APOA4: variants seen among roughly 807,000 people sequenced by gnomAD.
The protein encoded by APOA4 is apolipoprotein A4.
Under a neutral mutation model 33.6 loss-of-function variants are expected in APOA4, and 25 were observed. The ratio of observed to expected loss-of-function variants is 0.74; its 90% confidence interval spans 0.54 to 1.04. The LOEUF (loss-of-function observed/expected upper bound fraction) is 1.04. APOA4 is among the 50% of genes least tolerant of loss of function. APOA4 has a pLI of 0.00. For synonymous variants in APOA4, 228 were observed against 224.0 expected (o/e 1.02, Z -0.16); for missense variants, 549 against 510.4 (o/e 1.08, Z -0.73).
Position 116,820,862 on chromosome 11 carries a change from G to A in APOA4, c.*5C>T, listed in dbSNP as rs777358431. On this transcript the variant is annotated 3_prime_UTR_variant, in exon 3 of 3. Coordinates refer to ENST00000357780, the MANE Select transcript of APOA4 (RefSeq NM_000482.4). ...CGAGGGTGGGGCCAGTGCACCAGGG[G>A]CAGCTCAGCTCTCCAAAGGGGCCAG... 7 of 1,613,426 alleles carry A rather than the reference G, an allele frequency of 4.3e-6. No homozygotes were observed. The highest frequency in any genetic ancestry group is 3.3e-5 in the Admixed American group (2 of 60,002).
intron 2 of APOA4, 123 bp downstream of exon 2, chr11:116,822,536 G>T: frequency 1.4e-6 from 2 of 1,439,616 alleles, no homozygotes; most frequent in South Asian, 1.2e-5. Context: ...GGCCCGGCCA[G>T]TTAGTGGCAG....
At position 116,822,642 on chromosome 11, in the gene APOA4, A is replaced by C. The variant is rs761160544; in HGVS notation, c.176+17T>G. 65 of 1,614,006 alleles carry C rather than the reference A, an allele frequency of 4.0e-5. No homozygotes were observed. The East Asian group carries it at 5.3e-4, about 13-fold the overall frequency. The stretch of plus-strand genomic sequence containing the variant: ...TAAGAATTCCCCGTCACCACCGCAC[A>C]CTGTAGTCCCTCTTACTTGAGTTGC... On this transcript the variant is annotated intron_variant, in intron 2 of 2. Coordinates refer to ENST00000357780, the MANE Select transcript of APOA4 (RefSeq NM_000482.4).
chr11:116,823,054 G>C, intron 1 of APOA4, 89 bp downstream of exon 1: 1 of 1,536,406 alleles, frequency 6.5e-7, no homozygotes, highest in Non-Finnish European at 9.0e-7. Context: ...TGGGCACTCA[G>C]AAGTGTCCTT....
At position 116,821,313 on chromosome 11, in the gene APOA4, C is replaced by T. The variant is rs758492950; in HGVS notation, c.745G>A (p.Ala249Thr). 9.9e-6 allele frequency: 16 copies of T among 1,613,898 alleles called. No homozygotes were observed. Among genetic ancestry groups the T allele is most frequent in the Admixed American group, 3.3e-5 (2 of 60,014 alleles). ...GAGATCCTGGCCTTGAGCTCCTCGGCGTTCTTCTTCATCTGGAAGGTCAGG... is the reference window on the plus strand; with the variant it reads ...GAGATCCTGGCCTTGAGCTCCTCGGTGTTCTTCTTCATCTGGAAGGTCAGG... ...EGLTFQMKKN[A>T]EELKARISAS... The change falls in exon 3 of 3, where the codon GCC becomes ACC. Residue 249 changes from alanine to threonine, a missense_variant. Coordinates refer to ENST00000357780, the MANE Select transcript of APOA4 (RefSeq NM_000482.4).
In APOA4 at chr11:116,821,070, C is replaced by A. The variant is rs1276295892; in HGVS notation, c.988G>T (p.Gly330Cys). 3 of 1,614,170 alleles carry A rather than the reference C, an allele frequency of 1.9e-6. No individual in the cohort carries two copies. The East Asian group carries it at 6.7e-5, about 36-fold the overall frequency. ...QQMEQLRQKL[G>C]PHAGDVEGHL... is the part of the protein sequence containing the mutation. The stretch of plus-strand genomic sequence containing the variant: ...CCTTCCACGTCCCCCGCATGGGGGC[C>A]CAGTTTCTGCCTGAGCTGTTCCATC... The change falls in exon 3 of 3, where the codon GGC becomes TGC. Residue 330 changes from glycine (G) to cysteine (C), a missense_variant. Transcript: ENST00000357780.
intron 1 of APOA4, 127 bp from the exon 2 acceptor site, chr11:116,822,912 G>C (rs1941342706): frequency 6.6e-7 from 1 of 1,522,850 alleles, no homozygotes; most frequent in Non-Finnish European, 8.9e-7. Context: ...TCTGAGCTTA[G>C]CTTTTTGGAA....
In APOA4 at chr11:116,820,958, G is replaced by T. The variant is rs2134217515; in HGVS notation, c.1100C>A (p.Thr367Asn). Residue 367 changes from threonine (T) to asparagine (N), a missense_variant, in exon 3 of 3, where the codon ACT becomes AAT. Thr to Asn is a moderately conservative substitution (Grantham distance 65). Coordinates refer to ENST00000357780, the MANE Select transcript of APOA4 (RefSeq NM_000482.4). ...TFKEKESQDK[T>N]LSLPELEQQQ... ...TTGCTCCAGCTCAGGGAGGGAGAGAGTCTTGTCCTGGCTCTCTTTCTCCTT... is the reference window on the plus strand; with the variant it reads ...TTGCTCCAGCTCAGGGAGGGAGAGATTCTTGTCCTGGCTCTCTTTCTCCTT... 6.2e-7 allele frequency: 1 copy of T among 1,614,192 alleles called. No homozygotes were observed. Among genetic ancestry groups the T allele is most frequent in the Non-Finnish European group, 8.5e-7 (1 of 1,180,014 alleles).
At chr11:116,822,094 A>G (rs1187920564) in intron 2 of APOA4, among the ~76,000 whole-genome samples, 2 of 152,108 alleles carry the variant, frequency 1.3e-5, no homozygotes, top group African/African-American at 2.4e-5. Flanking sequence ...GATCTCCCAC[A>G]TAGTTTGTCT....
chr11:116,821,998 G>C lies in APOA4; in HGVS notation c.177-117C>G, dbSNP rs1314879279. On this transcript the variant is annotated intron_variant, in intron 2 of 2. Coordinates refer to ENST00000357780, the MANE Select transcript of APOA4 (RefSeq NM_000482.4). ...TGCTAGGACAGGTGAGTGCTCAGAGGTACCGAGTTCACCCTCCCTATGGTG... is the reference window on the plus strand; with the variant it reads ...TGCTAGGACAGGTGAGTGCTCAGAGCTACCGAGTTCACCCTCCCTATGGTG... 2.9e-6 allele frequency: 4 copies of C among 1,362,794 alleles called. No homozygotes were observed. The Admixed American group carries it at 6.7e-5, about 23-fold the overall frequency. 84.4% of individuals were successfully genotyped at this position (1,362,794 alleles called of 1,614,324 possible).
chr11:116,820,936 C>A lies in APOA4; in HGVS notation c.1122G>T (p.Glu374Asp), dbSNP rs1941311983. The change falls in exon 3 of 3, where the codon GAG becomes GAT. Residue 374 changes from glutamate (E) to aspartate (D), a missense_variant. Glu to Asp is a conservative substitution (Grantham distance 45, BLOSUM62 2). Transcript: ENST00000357780. ...QDKTLSLPEL[E>D]QQQEQQQEQQ... ...GCTCCTGCTGCTGTTCCTGCTGTTG[C>A]TCCAGCTCAGGGAGGGAGAGAGTCT... 6.2e-7 allele frequency: 1 copy of A among 1,613,088 alleles called. No individual in the cohort carries two copies. The highest frequency in any genetic ancestry group is 8.5e-7 in the Non-Finnish European group (1 of 1,180,026).
In APOA4 at chr11:116,822,655, T is replaced by A. The variant is rs1565333244; in HGVS notation, c.176+4A>T. 6.2e-7 allele frequency: 1 copy of A among 1,614,118 alleles called. No homozygotes were observed. On this transcript the variant is annotated splice_donor_region_variant and intron_variant, in intron 2 of 2. Coordinates refer to ENST00000357780, the MANE Select transcript of APOA4 (RefSeq NM_000482.4). The stretch of plus-strand genomic sequence containing the variant: ...TCACCACCGCACACTGTAGTCCCTC[T>A]TACTTGAGTTGCTGGGTGAGTTCAG...
rs1467332083 is a variant in APOA4 at position 116,823,174 on chromosome 11, C to G, written c.18G>C (p.Val6=). Residue 6 remains valine, a synonymous_variant, in exon 1 of 3, where the codon GTG becomes GTC. Coordinates refer to ENST00000357780, the MANE Select transcript of APOA4 (RefSeq NM_000482.4). ...CAGCCACCAGGGCCAGGGTCAGGAC[C>G]ACGGCCTTCAGGAACATCCTGAGCT... MFLKA[V]VLTLALVAVA... is the part of the protein sequence containing the mutation. 6.2e-7 allele frequency: 1 copy of G among 1,614,094 alleles called. No homozygotes were observed. The highest frequency in any genetic ancestry group is 1.7e-5 in the Admixed American group (1 of 60,020).
chr11:116,822,863 G>A (rs976063832), intron 1 of APOA4, 78 bp from the exon 2 acceptor site: 1 of 1,602,970 alleles, frequency 6.2e-7, no homozygotes, highest in African/African-American at 1.3e-5. Context: ...GCTGCAGACT[G>A]GATGATGGTG....
At position 116,821,451 on chromosome 11, in the gene APOA4, G is replaced by A; in HGVS notation, c.607C>T (p.Pro203Ser). 1.2e-6 allele frequency: 2 copies of A among 1,614,202 alleles called. No homozygotes were observed. Among genetic ancestry groups the A allele is most frequent in the Non-Finnish European group, 1.7e-6 (2 of 1,180,032 alleles). ...TTGACTTTGAATTCGTCAGCGTAGG[G>A]CGTAAGGCGTCCCTTGAGCTCCTCC... The part of the protein sequence containing the change: ...NVEELKGRLT[P>S]YADEFKVKID... The change falls in exon 3 of 3, where the codon CCC (proline) becomes TCC (serine). Residue 203 changes from proline to serine, a missense_variant. Physicochemically the swap from Pro to Ser is moderately conservative, Grantham distance 74. Transcript: ENST00000357780.
intron 1 of APOA4, 95 bp downstream of exon 1, chr11:116,823,048 C>A (rs1046647046): frequency 2.0e-6 from 3 of 1,505,180 alleles, no homozygotes; most frequent in South Asian, 1.1e-5. Context: ...GGCTGATGGG[C>A]ACTCAGAAGT....
chr11:116,822,809 C>A, intron 1 of APOA4, 24 bp from the exon 2 acceptor site: 1 of 1,613,780 alleles, frequency 6.2e-7, no homozygotes. Context: ...GAGAGCAATT[C>A]ATGAGGCCCC....
In APOA4 at chr11:116,822,691, A is replaced by T; in HGVS notation, c.144T>A (p.His48Gln). 2 of 1,614,142 alleles carry T rather than the reference A, an allele frequency of 1.2e-6. No individual in the cohort carries two copies. Among genetic ancestry groups the T allele is most frequent in the African/African-American group, 2.7e-5 (2 of 75,016 alleles). The change falls in exon 2 of 3, where the codon CAT (histidine) becomes CAA (glutamine). Residue 48 changes from histidine to glutamine, a missense_variant. Coordinates refer to ENST00000357780, the MANE Select transcript of APOA4 (RefSeq NM_000482.4). ...LSNNAKEAVE[H>Q]LQKSELTQQL... ...GCTGGGTGAGTTCAGATTTCTGGAGATGTTCCACGGCCTCCTTGGCATTGT... is the reference window on the plus strand; with the variant it reads ...GCTGGGTGAGTTCAGATTTCTGGAGTTGTTCCACGGCCTCCTTGGCATTGT...
intron 2 of APOA4, among the ~76,000 whole-genome samples, 160 bp from the exon 3 acceptor site, chr11:116,822,041 T>C (rs1941333515): frequency 6.6e-6 from 1 of 152,172 alleles, no homozygotes; most frequent in African/African-American, 2.4e-5. Flanking sequence ...TTGGAGAGGA[T>C]GGGTGTCACA....
chr11:116,821,590 C>G lies in APOA4; in HGVS notation c.468G>C (p.Gln156His). ...CCATGCGCTGTGCGTAGGGGGTCAG[C>G]TGGCGCCGCAGCTGCTCGGCCTGCG... The part of the protein sequence containing the change: ...VSTQAEQLRR[Q>H]LTPYAQRMER... The change falls in exon 3 of 3, where the codon CAG (glutamine) becomes CAC (histidine). Residue 156 changes from glutamine (Q) to histidine (H), a missense_variant. Physicochemically the swap from Gln to His is conservative, Grantham distance 24. Coordinates refer to ENST00000357780, the MANE Select transcript of APOA4 (RefSeq NM_000482.4). 1 of 1,609,972 alleles carries G rather than the reference C, an allele frequency of 6.2e-7. No homozygotes were observed.
Sources: gnomAD v4.1 joint callset for allele counts (sites outside exome capture counted in the v4.1 genomes callset) on GRCh38, gnomAD v4.1.1 for gene constraint, MANE v1.5 for transcripts, NCBI Gene and HGNC (gene_info 2026-07-23, HGNC 2026-07-21) for gene names.